The following FAR1 variants were observed in gnomAD, a reference collection of about 807,000 sequenced individuals.
The protein encoded by FAR1 is fatty acyl-CoA reductase 1.
In FAR1, 22 loss-of-function variants were observed where a neutral mutation model predicts 61.1. The ratio of observed to expected loss-of-function variants is 0.36; its 90% CI spans 0.26 to 0.51. The LOEUF is 0.51. FAR1 is among the 20% of genes least tolerant of loss of function. The pLI is 0.95. For synonymous variants in FAR1, 206 were observed against 209.7 expected, an observed-to-expected ratio of 0.98 and a Z score of 0.15; for missense variants, 359 against 626.9, an observed-to-expected ratio of 0.57 and a Z score of 4.56.
intron 9 of FAR1, among the ~76,000 whole-genome samples, chr11:13,716,245 A>G (rs1848554495): frequency 6.6e-6 from 1 of 152,222 alleles, no homozygotes; most frequent in Non-Finnish European, 1.5e-5. Context: ...ATTGCCTTAC[A>G]CGAAGAAAGA....
At position 13,728,645 on chromosome 11, in the gene FAR1, C is replaced by A. The variant is rs1848690891; in HGVS notation, c.1419C>A (p.Ile473=). 4 of 1,612,170 alleles carry A rather than the reference C, an allele frequency of 2.5e-6. No homozygotes were observed. The East Asian group carries it at 8.9e-5, about 36-fold the overall frequency. Residue 473 remains isoleucine (I), a synonymous_variant, in exon 12 of 12, where the codon ATC becomes ATA. Transcript: ENST00000354817. ...ATATACGTTATGGTTTTAATACTAT[C>A]CTTGTGATCCTCATCTGGCGCATTT... The part of the protein sequence containing the change: ...LRNIRYGFNT[I]LVILIWRIFI...
Position 13,708,056 on chromosome 11 carries a change from C to T in FAR1, c.522C>T (p.Pro174=). The part of the protein sequence containing the change: ...DEVVYPPPVD[P]KKLIDSLEWM... ...TAGTCTATCCACCACCTGTGGATCC[C>T]AAGAAGCTGATTGATTCTTTAGAGT... is the stretch of plus-strand genomic sequence containing the variant. Residue 174 remains proline, a synonymous_variant, in exon 4 of 12, where the codon CCC becomes CCT. Transcript: ENST00000354817. 6.3e-7 allele frequency: 1 copy of T among 1,592,608 alleles called. No homozygotes were observed. The highest frequency in any genetic ancestry group is 8.5e-7 in the Non-Finnish European group (1 of 1,170,864).
chr11:13,699,815 CTT>C (rs1848350554), intron 2 of FAR1, among the ~76,000 whole-genome samples: 1 of 152,052 alleles, frequency 6.6e-6, no homozygotes, highest in Non-Finnish European at 1.5e-5. Flanking sequence ...AACATATTGA[CTT>C]TGTTTTCCTT....
intron 10 of FAR1, among the ~76,000 whole-genome samples, chr11:13,725,919 T>G (rs1848663164): frequency 6.6e-6 from 1 of 151,940 alleles, no homozygotes; most frequent in Non-Finnish European, 1.5e-5. Flanking sequence ...AAGTTCTTTT[T>G]TCTTTTTTTT....
At chr11:13,717,765 C>CA (rs1186564599) in intron 9 of FAR1, among the ~76,000 whole-genome samples, 2 of 152,152 alleles carry the variant, frequency 1.3e-5, no homozygotes, top group Non-Finnish European at 2.9e-5. Context: ...CAGCCATAGA[C>CA]AATAGGCAAA....
At chr11:13,682,948 T>G (rs532853158) in intron 1 of FAR1, among the ~76,000 whole-genome samples, 1 of 152,312 alleles carries the variant, frequency 6.6e-6, no homozygotes, top group East Asian at 1.9e-4. Context: ...TTTGAAGTTA[T>G]TTTTTCTTCT....
At chr11:13,715,860 C>G (rs962725447) in intron 9 of FAR1, 12 of 151,800 alleles carry the variant, frequency 7.9e-5, no homozygotes, top group African/African-American at 2.9e-4. Flanking sequence ...AGATGCTGAT[C>G]CCAGAACTTC....
intron 1 of FAR1, among the ~76,000 whole-genome samples, chr11:13,685,014 A>T (rs1319595518): frequency 1.3e-5 from 2 of 152,160 alleles, no homozygotes; most frequent in African/African-American, 2.4e-5. Flanking sequence ...TCAATAAAAG[A>T]TTCTATCTAG....
At chr11:13,683,833 A>G (rs1463598243) in intron 1 of FAR1, among the ~76,000 whole-genome samples, 2 of 152,188 alleles carry the variant, frequency 1.3e-5, no homozygotes, top group Non-Finnish European at 2.9e-5. Flanking sequence ...TAGATATTCA[A>G]TTTGAGACTT....
At position 13,694,710 on chromosome 11, in the gene FAR1, A is replaced by AATG. The variant is rs1420974689; in HGVS notation, c.-7-45_-7-43dup. Reference sequence around the variant, plus strand: ...TACCAAGAGATTTTTAGTATGAAAGAATGATGGTGAATCCTTAAACTAATG... The same window carrying AATG: ...TACCAAGAGATTTTTAGTATGAAAGAATGATGATGGTGAATCCTTAAACTAATG... On this transcript the variant is annotated intron_variant, in intron 1 of 11. Transcript: ENST00000354817. The AATG allele has an allele frequency of 1.7e-5, 25 of 1,432,786 alleles. No homozygotes were observed. In the Admixed American group the frequency reaches 5.6e-4, roughly 32 times the overall value. 88.8% of individuals were successfully genotyped at this position (1,432,786 alleles called of 1,614,324 possible). A position where few individuals can be genotyped will look rare whatever the true frequency, so the allele number is the denominator to read the frequency against.
intron 5 of FAR1, 89 bp downstream of exon 5, chr11:13,710,959 C>T (rs1313301989): frequency 1.7e-6 from 2 of 1,164,586 alleles, no homozygotes; most frequent in Non-Finnish European, 2.4e-6. Flanking sequence ...TCTTTAAGAA[C>T]AGGTATTATT....
chr11:13,686,005 G>A (rs958805015), intron 1 of FAR1, among the ~76,000 whole-genome samples: 1 of 152,060 alleles, frequency 6.6e-6, no homozygotes. Flanking sequence ...CTCTTCTAGC[G>A]CTGTGCACTC....
intron 10 of FAR1, among the ~76,000 whole-genome samples, chr11:13,723,663 A>G (rs1397460144): frequency 2.0e-5 from 3 of 152,140 alleles, no homozygotes. Context: ...CACTATTCTT[A>G]TATCGTCTTC....
At chr11:13,713,139 A>G in intron 8 of FAR1, 106 bp downstream of exon 8, 1 of 926,070 alleles carries the variant, frequency 1.1e-6, no homozygotes, top group Admixed American at 1.7e-5. Context: ...CCACTGAGTT[A>G]CCAATTTGTT....
At chr11:13,712,085 A>G (rs1172584239) in intron 7 of FAR1, 39 bp downstream of exon 7, 1 of 1,332,110 alleles carries the variant, frequency 7.5e-7, no homozygotes, top group Non-Finnish European at 1.1e-6. Context: ...AATATATAGT[A>G]ACTGAAAAGG....
intron 1 of FAR1, among the ~76,000 whole-genome samples, chr11:13,688,821 G>C (rs191142324): frequency 1.3e-5 from 2 of 151,962 alleles, no homozygotes; most frequent in African/African-American, 4.8e-5. Context: ...ACATCAAACC[G>C]TTTTATTTAT....
intron 2 of FAR1, 61 bp downstream of exon 2, chr11:13,695,015 A>T: frequency 7.4e-7 from 1 of 1,355,680 alleles, no homozygotes; most frequent in Non-Finnish European, 9.9e-7. Flanking sequence ...GTATATAATT[A>T]TTGTAGTCGT....
chr11:13,719,099 A>C (rs914586519), intron 9 of FAR1, among the ~76,000 whole-genome samples: 3 of 151,974 alleles, frequency 2.0e-5, no homozygotes, highest in African/African-American at 2.4e-5. Flanking sequence ...GTTATTTTCA[A>C]CTCTCATTGA....
At chr11:13,685,525 AGTGTT>A (rs1460407332) in intron 1 of FAR1, 1 of 217,186 alleles carries the variant, frequency 4.6e-6, no homozygotes, top group Non-Finnish European at 9.9e-6. Flanking sequence ...GTTCTTCTCC[AGTGTT>A]TCCTTTTGGA....
Sources: gnomAD v4.1 joint callset for allele counts (sites outside exome capture counted in the v4.1 genomes callset) on GRCh38, gnomAD v4.1.1 for gene constraint, MANE v1.5 for transcripts, NCBI Gene and HGNC (gene_info 2026-07-23, HGNC 2026-07-21) for gene names.